The following DGKI variants were observed in gnomAD, a reference collection of about 807,000 sequenced individuals.
DGKI encodes the protein DAG kinase iota.
In DGKI, 55 loss-of-function variants were observed where a neutral mutation model predicts 147.5. The observed-to-expected ratio is 0.37, with a 90% CI of 0.30 to 0.47. The LOEUF (loss-of-function observed/expected upper bound fraction) is 0.47. Among genes scored for constraint, DGKI ranks in the 20% least tolerant of loss-of-function variants. DGKI has a pLI of 1.00. For synonymous variants in DGKI, 469 were observed against 477.1 expected (o/e 0.98, Z 0.22); for missense variants, 1,007 against 1,323.8 (o/e 0.76, Z 3.71).
chr7:137,691,947 T>C (rs1382666915), intron 1 of DGKI, among the ~76,000 whole-genome samples: 2 of 152,008 alleles, frequency 1.3e-5, no homozygotes, highest in African/African-American at 4.8e-5. Context: ...ACAGACAATT[T>C]ACTTGCTTTA....
intron 1 of DGKI, among the ~76,000 whole-genome samples, chr7:137,751,957 T>C (rs1400698953): frequency 6.6e-6 from 1 of 152,228 alleles, no homozygotes; most frequent in Non-Finnish European, 1.5e-5. Flanking sequence ...TTATTAATTA[T>C]GTCTAGGCAT....
At position 137,578,328 on chromosome 7, in the gene DGKI, G is replaced by A; in HGVS notation, c.1643-3C>T. 2 of 1,612,966 alleles carry A rather than the reference G, an allele frequency of 1.2e-6. No individual in the cohort carries two copies. The highest frequency in any genetic ancestry group is 1.7e-6 in the Non-Finnish European group (2 of 1,179,050). ...GTTGAATTTCTCTGGATTTGCTTCT[G>A]TGAAAGAGGAAAAGTAGTTTTGTTA... On this transcript the variant is annotated splice_region_variant and splice_polypyrimidine_tract_variant and intron_variant, in intron 15 of 32. Coordinates refer to ENST00000614521, the MANE Select transcript of DGKI (RefSeq NM_001321708.2).
intron 20 of DGKI, among the ~76,000 whole-genome samples, chr7:137,550,982 A>G (rs949541313): frequency 6.6e-6 from 1 of 152,148 alleles, no homozygotes; most frequent in African/African-American, 2.4e-5. Context: ...TTAACATATA[A>G]CCTCAGCAAT....
chr7:137,802,619 TAAA>T (rs901754372), intron 1 of DGKI, among the ~76,000 whole-genome samples: 11 of 152,166 alleles, frequency 7.2e-5, no homozygotes, highest in Admixed American at 2.0e-4. Context: ...TCCTGACTAA[TAAA>T]GGGATATTCT....
intron 21 of DGKI, among the ~76,000 whole-genome samples, chr7:137,520,576 G>A (rs370419359): frequency 6.6e-6 from 1 of 152,078 alleles, no homozygotes; most frequent in African/African-American, 2.4e-5. Flanking sequence ...TGAGGGTAAA[G>A]TATGGAAGTG....
intron 21 of DGKI, among the ~76,000 whole-genome samples, chr7:137,513,531 T>C (rs1369925598): frequency 6.6e-6 from 1 of 152,242 alleles, no homozygotes; most frequent in African/African-American, 2.4e-5. Flanking sequence ...CAATCTGTGG[T>C]GAATTATAGT....
chr7:137,580,087 T>G (rs1819136021), intron 15 of DGKI, among the ~76,000 whole-genome samples: 1 of 152,252 alleles, frequency 6.6e-6, no homozygotes, highest in South Asian at 2.1e-4. Context: ...TGAGACTCAC[T>G]TGAGCTCATT....
At chr7:137,702,364 A>G (rs1163089715) in intron 1 of DGKI, among the ~76,000 whole-genome samples, 1 of 152,198 alleles carries the variant, frequency 6.6e-6, no homozygotes, top group Non-Finnish European at 1.5e-5. Context: ...CAATACTTCT[A>G]CTTACTCAGC....
At position 137,846,161 on chromosome 7, in the gene DGKI, T is replaced by TCTCTCACA. The variant is rs781580130; in HGVS notation, c.401+300_401+301insTGTGAGAG. On this transcript the variant is annotated intron_variant, in intron 1 of 32. Transcript: ENST00000614521. The surrounding 1 kb of genome is among the most constrained non-coding windows in gnomAD (Gnocchi z 4.0). ...CTCTCTCTCTCTCTCTCTCTCTCTCTCACACACACACACACACACACACAC... is the reference window on the plus strand; with the variant it reads ...CTCTCTCTCTCTCTCTCTCTCTCTCTCTCTCACACACACACACACACACACACACACAC... Among the ~76,000 whole-genome samples the TCTCTCACA allele has an allele frequency of 2.7e-3, 293 of 108,198 alleles. No homozygotes were observed. Among genetic ancestry groups the TCTCTCACA allele is most frequent in the East Asian group, 3.9e-3 (14 of 3,570 alleles). The allele number at this position is 108,198 out of a possible 152,430, so 71.0% of individuals were successfully genotyped here. A position where few individuals can be genotyped will look rare whatever the true frequency, so the allele number is the denominator to read the frequency against.
At chr7:137,430,596 A>G (rs960672550) in intron 28 of DGKI, among the ~76,000 whole-genome samples, 1 of 152,018 alleles carries the variant, frequency 6.6e-6, no homozygotes, top group Non-Finnish European at 1.5e-5. Context: ...GAAAAAGAAT[A>G]TCTAGAAACT....
intron 1 of DGKI, among the ~76,000 whole-genome samples, chr7:137,785,700 A>G (rs1563197223): frequency 6.6e-6 from 1 of 152,182 alleles, no homozygotes; most frequent in Non-Finnish European, 1.5e-5. Flanking sequence ...AATACCCTTG[A>G]TCAACACAGA....
intron 8 of DGKI, among the ~76,000 whole-genome samples, chr7:137,614,310 A>G (rs1820460949): frequency 3.3e-5 from 5 of 152,290 alleles, no homozygotes; most frequent in Middle Eastern, 3.4e-3. Flanking sequence ...AAATGATGTC[A>G]TCTCATGATA....
intron 1 of DGKI, among the ~76,000 whole-genome samples, chr7:137,767,502 GAAGA>G (rs1796050923): frequency 6.8e-6 from 1 of 147,676 alleles, no homozygotes; most frequent in Non-Finnish European, 1.5e-5. Context: ...GAAGAGAAGA[GAAGA>G]GAAGAGAAGA....
chr7:137,573,455 A>T (rs1187830871), intron 17 of DGKI, among the ~76,000 whole-genome samples: 1 of 152,214 alleles, frequency 6.6e-6, no homozygotes, highest in Admixed American at 6.5e-5. Context: ...CCCAGGCCGA[A>T]GTGCAATGGC....
intron 1 of DGKI, among the ~76,000 whole-genome samples, chr7:137,825,934 AT>A (rs1348158124): frequency 5.3e-5 from 8 of 152,278 alleles, no homozygotes. Flanking sequence ...CAAGAAAAAA[AT>A]ATGAAGTTTT....
chr7:137,443,365 G>A (rs749371860), intron 28 of DGKI, among the ~76,000 whole-genome samples: 1 of 152,142 alleles, frequency 6.6e-6, no homozygotes, highest in Non-Finnish European at 1.5e-5. Flanking sequence ...CCAATTATGA[G>A]AGAATTTCCA....
At chr7:137,588,474 G>GTTTTTTTTT (rs1563099937) in intron 12 of DGKI, among the ~76,000 whole-genome samples, 3 of 129,222 alleles carry the variant, frequency 2.3e-5, no homozygotes, top group African/African-American at 1.1e-4. Context: ...ACATACCGAT[G>GTTTTTTTTT]CTTTTTTTTT....
chr7:137,522,385 A>G (rs1011447010), intron 20 of DGKI, among the ~76,000 whole-genome samples: 2 of 152,026 alleles, frequency 1.3e-5, no homozygotes, highest in Non-Finnish European at 2.9e-5. Context: ...TGACCCTCAG[A>G]GAGATGGAAA....
At position 137,387,789 on chromosome 7, in the gene DGKI, A is replaced by C. The variant is rs1425453426; in HGVS notation, c.*3431T>G. ...GCATGTGCCATTTTTATAATTTAAA[A>C]AAACCCCTAAATATTATTAATAAAA... On this transcript the variant is annotated 3_prime_UTR_variant, in exon 33 of 33. Coordinates refer to ENST00000614521, the MANE Select transcript of DGKI (RefSeq NM_001321708.2). The C allele has an allele frequency of 1.3e-5, 2 of 152,224 alleles. No homozygotes were observed. The highest frequency in any genetic ancestry group is 2.9e-5 in the Non-Finnish European group (2 of 68,036). The allele number at this position is 152,224 out of a possible 1,614,324, so 9.4% of individuals were successfully genotyped here.
Sources: allele counts gnomAD v4.1 joint callset (sites outside exome capture counted in the v4.1 genomes callset), GRCh38; gene constraint gnomAD v4.1.1; non-coding constraint Gnocchi (gnomAD v3.1); transcripts MANE v1.5; gene names NCBI Gene and HGNC (gene_info 2026-07-23, HGNC 2026-07-21).